The following WWOX variants were observed in gnomAD, a reference collection of about 807,000 sequenced individuals.
WWOX encodes WW domain containing oxidoreductase, also known as WW domain-containing oxidoreductase.
A neutral mutation model predicts 46.2 loss-of-function variants in WWOX; 69 were observed. That is an observed-to-expected ratio of 1.49 (90% CI 1.23 to 1.82). The LOEUF is 1.82. Ranked by LOEUF, WWOX falls within the 40% of genes most tolerant of loss-of-function variation. WWOX has a pLI of 0.00. For synonymous variants in WWOX, 359 were observed against 202.6 expected, an observed-to-expected ratio of 1.77 and a Z score of -6.56; for missense variants, 919 against 542.6, an observed-to-expected ratio of 1.69 and a Z score of -6.89.
intron 8 of WWOX, among the ~76,000 whole-genome samples, chr16:78,440,927 TTC>T (rs2151394986): frequency 6.6e-6 from 1 of 152,036 alleles, no homozygotes; most frequent in South Asian, 2.1e-4. Flanking sequence ...GGCCTGTAGT[TTC>T]TTTTTCTTTT....
chr16:78,996,873 T>G (rs2047000994), intron 8 of WWOX, among the ~76,000 whole-genome samples: 1 of 152,354 alleles, frequency 6.6e-6, no homozygotes, highest in Admixed American at 6.5e-5. Context: ...CCATAAATGC[T>G]GCAGAGCTGC....
intron 8 of WWOX, among the ~76,000 whole-genome samples, chr16:78,930,271 C>CCTTCCTTCCT (rs2045593779): frequency 1.1e-4 from 13 of 115,460 alleles, no homozygotes; most frequent in African/African-American, 3.5e-4. Flanking sequence ...TCCTTCCTTT[C>CCTTCCTTCCT]TCTCTTTCTT....
At chr16:78,912,921 G>C (rs1039853510) in intron 8 of WWOX, among the ~76,000 whole-genome samples, 3 of 151,968 alleles carry the variant, frequency 2.0e-5, no homozygotes, top group African/African-American at 7.2e-5. Context: ...AGAGATCAGA[G>C]CAAGAGAAAC....
rs9935675 is a variant in WWOX, at chr16:78,822,190, T to A, written c.1057-389418T>A. ...CATGCCCAGCCTTAAATAAACTCTT[T>A]AGTGTCAAAAAATCTACGTGAGGCC... On this transcript the variant is annotated intron_variant, in intron 8 of 8. Coordinates refer to ENST00000566780, the MANE Select transcript of WWOX (RefSeq NM_016373.4). 3.3e-5 allele frequency among the ~76,000 whole-genome samples: 5 copies of A among 152,166 alleles called. 1 individual carries two copies. In the East Asian group the frequency reaches 9.7e-4, roughly 30 times the overall value.
chr16:78,664,901 A>G (rs549221460), intron 8 of WWOX, among the ~76,000 whole-genome samples: 196 of 152,348 alleles, frequency 1.3e-3, no homozygotes, highest in African/African-American at 4.4e-3. Context: ...AGGCACTTAC[A>G]ATGTGACTGG....
At chr16:78,804,603 G>A (rs182163700) in intron 8 of WWOX, among the ~76,000 whole-genome samples, 8 of 152,336 alleles carry the variant, frequency 5.3e-5, no homozygotes, top group African/African-American at 1.9e-4. Context: ...CTTACACGTA[G>A]CTCAAAATGT....
intron 8 of WWOX, among the ~76,000 whole-genome samples, chr16:78,637,954 C>T (rs764521315): frequency 7.2e-4 from 109 of 152,152 alleles, no homozygotes; most frequent in Non-Finnish European, 1.8e-4. Context: ...TCCATGGTTT[C>T]TTCTACCAGG....
chr16:78,728,763 A>G (rs1286107498), intron 8 of WWOX, among the ~76,000 whole-genome samples: 8 of 152,122 alleles, frequency 5.3e-5, no homozygotes, highest in Non-Finnish European at 1.2e-4. Flanking sequence ...TTCCTTGTAA[A>G]GAGAGTTAAG....
chr16:78,443,258 T>C, intron 8 of WWOX, among the ~76,000 whole-genome samples: 1 of 150,152 alleles, frequency 6.7e-6, no homozygotes, highest in South Asian at 2.1e-4. Context: ...TGAGCTGACA[T>C]CGCATCACTG....
At chr16:78,818,326 C>G (rs1430019274) in intron 8 of WWOX, among the ~76,000 whole-genome samples, 1 of 152,214 alleles carries the variant, frequency 6.6e-6, no homozygotes, top group Non-Finnish European at 1.5e-5. Context: ...CACACCATCA[C>G]CCTCTCCAGC....
At chr16:78,524,819 G>A (rs2043424513) in intron 8 of WWOX, among the ~76,000 whole-genome samples, 1 of 68,242 alleles carries the variant, frequency 1.5e-5, no homozygotes, top group African/African-American at 4.2e-5. Flanking sequence ...ATTTTTTATG[G>A]GTTTTTTTTT....
At chr16:78,879,801 T>C (rs1469982413) in intron 8 of WWOX, among the ~76,000 whole-genome samples, 1 of 151,620 alleles carries the variant, frequency 6.6e-6, no homozygotes, top group African/African-American at 2.4e-5. Flanking sequence ...CGCTTGAACT[T>C]GGGAGGCAGA....
chr16:78,132,123 C>G (rs937763653), intron 4 of WWOX, among the ~76,000 whole-genome samples: 1 of 150,200 alleles, frequency 6.7e-6, no homozygotes, highest in African/African-American at 2.5e-5. Context: ...CTCCCGGGTT[C>G]ACGCCATTCT....
intron 8 of WWOX, among the ~76,000 whole-genome samples, chr16:78,857,076 C>T (rs1014085815): frequency 1.3e-5 from 2 of 152,188 alleles, no homozygotes; most frequent in East Asian, 1.9e-4. Context: ...CTGGGATCAC[C>T]ATTGCATATG....
chr16:78,256,456 A>G lies in WWOX; in HGVS notation c.516+92167A>G, dbSNP rs150736982. ...GGTGAGAAAGGAAATTTTTGCTCCA[A>G]TAAACTGGGTAGCTCAGTCCAGGAG... On this transcript the variant is annotated intron_variant, in intron 5 of 8. Coordinates refer to ENST00000566780, the MANE Select transcript of WWOX (RefSeq NM_016373.4). 3.6e-3 allele frequency among the ~76,000 whole-genome samples: 541 copies of G among 152,020 alleles called. 2 individuals are homozygous for G. The highest frequency in any genetic ancestry group is 0.011 in the African/African-American group (476 of 41,484).
At chr16:78,866,630 A>G (rs2075831) in intron 8 of WWOX, among the ~76,000 whole-genome samples, 96,912 of 152,110 alleles carry the variant, frequency 0.64, 31,010 homozygotes, top group African/African-American at 0.67. Context: ...CTGTGAGCCT[A>G]TTTGGCTCCT....
rs947187039 is a variant in WWOX, at chr16:79,170,315, C to T, written c.1057-41293C>T. Reference sequence around the variant, plus strand: ...AGGAAATAGAGGATCAGAGAAGCTACGTGATCTATGCAAGGTCCCCCAGCT... The same window carrying T: ...AGGAAATAGAGGATCAGAGAAGCTATGTGATCTATGCAAGGTCCCCCAGCT... On this transcript the variant is annotated intron_variant, in intron 8 of 8. Coordinates refer to ENST00000566780, the MANE Select transcript of WWOX (RefSeq NM_016373.4). 3.9e-5 allele frequency among the ~76,000 whole-genome samples: 6 copies of T among 152,192 alleles called. No homozygotes were observed. The East Asian group carries it at 5.8e-4, about 15-fold the overall frequency.
intron 8 of WWOX, among the ~76,000 whole-genome samples, chr16:78,441,297 G>T (rs1012145459): frequency 2.0e-5 from 3 of 152,092 alleles, no homozygotes; most frequent in African/African-American, 7.2e-5. Flanking sequence ...TGTATCCCTG[G>T]TCCATACCGT....
intron 8 of WWOX, among the ~76,000 whole-genome samples, chr16:78,879,877 C>CAA (rs11433743): frequency 0.028 from 4,139 of 145,796 alleles, 142 homozygotes; most frequent in African/African-American, 0.085. Flanking sequence ...AACTCTGTCT[C>CAA]AAAAAAAAAA....
Sources: gnomAD v4.1 joint callset for allele counts (sites outside exome capture counted in the v4.1 genomes callset) on GRCh38, gnomAD v4.1.1 for gene constraint, MANE v1.5 for transcripts, NCBI Gene and HGNC (gene_info 2026-07-23, HGNC 2026-07-21) for gene names.